The following EHBP1 variants were observed in gnomAD, a reference collection of about 807,000 sequenced individuals.
EHBP1 encodes EH domain binding protein 1.
In EHBP1, 55 loss-of-function variants were observed where a neutral mutation model predicts 144.0. The observed-to-expected ratio is 0.38, with a 90% CI of 0.31 to 0.48. The LOEUF is 0.48. Ranked by LOEUF, EHBP1 falls within the 20% of genes least tolerant of loss-of-function variation. The pLI is 0.98. For synonymous variants in EHBP1, 469 were observed against 472.7 expected (o/e 0.99, Z 0.10); for missense variants, 1,200 against 1,364.2 (o/e 0.88, Z 1.90).
intron 5 of EHBP1, among the ~76,000 whole-genome samples, chr2:62,813,120 G>A (rs2045155192): frequency 6.6e-6 from 1 of 152,196 alleles, no homozygotes; most frequent in Non-Finnish European, 1.5e-5. Context: ...GCGTGGGGTG[G>A]CCTTAACAGG....
At chr2:62,889,703 T>C (rs2152906835) in intron 10 of EHBP1, among the ~76,000 whole-genome samples, 1 of 152,276 alleles carries the variant, frequency 6.6e-6, no homozygotes, top group Admixed American at 6.5e-5. Context: ...GATCAGATAG[T>C]TGTAAGGATG....
intron 8 of EHBP1, among the ~76,000 whole-genome samples, chr2:62,859,582 A>T (rs1249352918): frequency 6.6e-6 from 1 of 152,030 alleles, no homozygotes; most frequent in African/African-American, 2.4e-5. Context: ...TGATTTTGGG[A>T]TGGTGGAGGT....
At chr2:62,728,858 A>AT (rs1218376806) in intron 2 of EHBP1, among the ~76,000 whole-genome samples, 1 of 151,812 alleles carries the variant, frequency 6.6e-6, no homozygotes, top group African/African-American at 2.4e-5. Flanking sequence ...TACTACTTCT[A>AT]TTTTTTATAA....
chr2:62,708,312 CTACTTTATACCAGG>C (rs2034794418), intron 2 of EHBP1, among the ~76,000 whole-genome samples: 1 of 151,994 alleles, frequency 6.6e-6, no homozygotes, highest in Admixed American at 6.6e-5. Flanking sequence ...CACTCATTAC[CTACTTTATACCAGG>C]TACTGTGGAT....
At chr2:62,980,558 T>G (rs929438367) in intron 15 of EHBP1, among the ~76,000 whole-genome samples, 44 of 152,172 alleles carry the variant, frequency 2.9e-4, no homozygotes, top group Admixed American at 2.6e-3. Flanking sequence ...TTCCTTATAT[T>G]AAAAGCTTAC....
intron 10 of EHBP1, among the ~76,000 whole-genome samples, chr2:62,889,047 C>CTTTTT (rs71410971): frequency 0.015 from 613 of 39,744 alleles, 100 homozygotes; most frequent in Middle Eastern, 0.045. Context: ...GTAGGTACCT[C>CTTTTT]TTTTTTTTTT....
intron 9 of EHBP1, 44 bp downstream of exon 9, chr2:62,865,015 G>A (rs774580343): frequency 1.3e-6 from 2 of 1,590,330 alleles, no homozygotes; most frequent in Non-Finnish European, 1.7e-6. Flanking sequence ...TAGTCTCTAT[G>A]TTACCTAAAG....
chr2:62,870,968 A>G (rs2152834572), intron 9 of EHBP1, among the ~76,000 whole-genome samples: 1 of 152,196 alleles, frequency 6.6e-6, no homozygotes, highest in South Asian at 2.1e-4. Flanking sequence ...ATCTGATTCT[A>G]AACCCAAACC....
intron 10 of EHBP1, among the ~76,000 whole-genome samples, chr2:62,926,359 T>TTC (rs768738932): frequency 6.6e-6 from 1 of 152,084 alleles, no homozygotes; most frequent in Non-Finnish European, 1.5e-5. Flanking sequence ...ACCAAAAAGC[T>TTC]TCTGCACAGC....
intron 1 of EHBP1, among the ~76,000 whole-genome samples, chr2:62,676,185 A>G (rs967827766): frequency 6.6e-6 from 1 of 151,896 alleles, no homozygotes; most frequent in Non-Finnish European, 1.5e-5. Flanking sequence ...TTCAAAAAGC[A>G]TGGTTATGAA....
At chr2:63,044,215 C>T (rs2061821432) in intron 21 of EHBP1, 1 of 135,966 alleles carries the variant, frequency 7.4e-6, no homozygotes, top group Non-Finnish European at 1.5e-5. Context: ...AGGAAATCAT[C>T]AGACCAGCAA....
rs573101090 is a variant in EHBP1, at chr2:62,830,744, T to A, written c.495-275T>A. Among the ~76,000 whole-genome samples, 3 of 152,308 alleles carry A rather than the reference T, an allele frequency of 2.0e-5. No individual in the cohort carries two copies. The East Asian group carries it at 5.8e-4, about 29-fold the overall frequency. ...CCAATGTCTAGAAGATTTTTTCCAG[T>A]GTTATCTTCTAGAATTTTTATGGCT... On this transcript the variant is annotated intron_variant, in intron 6 of 22. Transcript: ENST00000431489.
At chr2:62,806,497 C>T (rs1045071319) in intron 5 of EHBP1, among the ~76,000 whole-genome samples, 9 of 151,848 alleles carry the variant, frequency 5.9e-5, no homozygotes, top group African/African-American at 1.2e-4. Flanking sequence ...CAGCCTCCTT[C>T]GTAGCTGGGA....
intron 7 of EHBP1, among the ~76,000 whole-genome samples, chr2:62,850,237 C>T (rs1002751053): frequency 7.9e-5 from 12 of 152,050 alleles, no homozygotes; most frequent in Non-Finnish European, 1.8e-4. Flanking sequence ...ACCTGAATCT[C>T]GTTATAATTT....
intron 19 of EHBP1, among the ~76,000 whole-genome samples, chr2:62,997,830 T>A (rs2059703530): frequency 6.6e-6 from 1 of 152,098 alleles, no homozygotes. Flanking sequence ...ACAGTGGGTT[T>A]CATACTGTGT....
chr2:62,898,607 C>T (rs142943097), intron 10 of EHBP1, among the ~76,000 whole-genome samples: 1 of 152,142 alleles, frequency 6.6e-6, no homozygotes, highest in South Asian at 2.1e-4. Flanking sequence ...CCCCTTTTCT[C>T]CAATCACTAT....
chr2:62,994,218 CA>C (rs1368805233), intron 18 of EHBP1: 1 of 256,638 alleles, frequency 3.9e-6, no homozygotes, highest in African/African-American at 2.2e-5. Flanking sequence ...ACATTTCCAT[CA>C]GGGCACTTCC....
intron 3 of EHBP1, among the ~76,000 whole-genome samples, chr2:62,751,421 T>C (rs2039706307): frequency 6.6e-6 from 1 of 152,224 alleles, no homozygotes; most frequent in Non-Finnish European, 1.5e-5. Context: ...TGGATGTTCA[T>C]CAGGGATATT....
At chr2:62,724,712 G>C (rs767260546) in intron 2 of EHBP1, among the ~76,000 whole-genome samples, 7 of 151,712 alleles carry the variant, frequency 4.6e-5, no homozygotes, top group African/African-American at 1.7e-4. Context: ...CCATGGACTA[G>C]TACCAGTCTA....
Sources: allele counts gnomAD v4.1 joint callset (sites outside exome capture counted in the v4.1 genomes callset), GRCh38; gene constraint gnomAD v4.1.1; transcripts MANE v1.5; gene names NCBI Gene and HGNC (gene_info 2026-07-23, HGNC 2026-07-21).